Variants in LINGO2 observed in about 807,000 individuals in gnomAD.
LINGO2 encodes the protein leucine rich repeat and Ig domain containing 2.
LINGO2 carries 14 observed loss-of-function variants against 30.6 expected under a neutral mutation model. That is an observed-to-expected ratio of 0.46 (90% CI 0.30 to 0.72). LINGO2 has a LOEUF of 0.72. LINGO2 is among the 30% of genes least tolerant of loss of function. The pLI, the probability that LINGO2 is intolerant of heterozygous loss-of-function variation, is 0.07. For missense variants in LINGO2, 729 were observed against 751.7 expected (o/e 0.97, Z 0.35); for synonymous variants, 317 against 288.5 (o/e 1.10, Z -1.00).
the LINGO2 span, among the ~76,000 whole-genome samples, chr9:28,901,942 T>C: frequency 6.6e-6 from 1 of 152,112 alleles, no homozygotes; most frequent in African/African-American, 2.4e-5. Context: ...TATAATCCAG[T>C]ATTTTGGGAG....
chr9:28,239,759 A>G (rs1035277725), intron 4 of LINGO2, among the ~76,000 whole-genome samples: 4 of 152,148 alleles, frequency 2.6e-5, no homozygotes, highest in African/African-American at 9.7e-5. Flanking sequence ...TTGTTATTCA[A>G]TATTGTACTG....
At chr9:28,558,821 C>T (rs948737187) in intron 1 of LINGO2, among the ~76,000 whole-genome samples, 3 of 151,824 alleles carry the variant, frequency 2.0e-5, no homozygotes, top group Non-Finnish European at 2.9e-5. Context: ...CTTTTGAGCT[C>T]GTGTGTGTGT....
the LINGO2 span, among the ~76,000 whole-genome samples, chr9:28,710,378 G>T: frequency 4.3e-4 from 65 of 151,896 alleles, no homozygotes; most frequent in African/African-American, 1.4e-3. Context: ...ATGGTATTTT[G>T]TTATAGCGAC....
intron 2 of LINGO2, among the ~76,000 whole-genome samples, chr9:28,410,006 TGAAG>T (rs995736647): frequency 9.3e-5 from 6 of 64,818 alleles, no homozygotes; most frequent in African/African-American, 2.3e-4. Context: ...GGAAGAGGGC[TGAAG>T]GGAGGGAGGG....
chr9:28,769,524 T>A, the LINGO2 span, among the ~76,000 whole-genome samples: 6 of 2,402 alleles, frequency 2.5e-3, no homozygotes, highest in African/African-American at 2.7e-3. Flanking sequence ...ATATATTTTT[T>A]TTTTTTTTTT....
the LINGO2 span, among the ~76,000 whole-genome samples, chr9:28,860,834 TAAG>T: frequency 1.3e-5 from 2 of 148,424 alleles, no homozygotes; most frequent in South Asian, 4.2e-4. Context: ...ATGTGTCACT[TAAG>T]AAACTAAAGG....
At chr9:29,123,322 A>G in the LINGO2 span, among the ~76,000 whole-genome samples, 24 of 152,112 alleles carry the variant, frequency 1.6e-4, no homozygotes, top group Admixed American at 3.9e-4. Flanking sequence ...CCAAATGAGC[A>G]TCGGCAATAA....
At chr9:28,101,139 G>T (rs1478181718) in intron 4 of LINGO2, among the ~76,000 whole-genome samples, 2 of 151,946 alleles carry the variant, frequency 1.3e-5, no homozygotes, top group Non-Finnish European at 2.9e-5. Context: ...TGAAACTAAA[G>T]CTATGAGACA....
chr9:28,948,595 C>T, the LINGO2 span, among the ~76,000 whole-genome samples: 1 of 152,036 alleles, frequency 6.6e-6, no homozygotes. Flanking sequence ...AGAAATTATA[C>T]TACAATCACA....
At chr9:28,642,297 T>A (rs2135939051) in intron 1 of LINGO2, among the ~76,000 whole-genome samples, 1 of 152,280 alleles carries the variant, frequency 6.6e-6, no homozygotes, top group African/African-American at 2.4e-5. Flanking sequence ...AACTGTGAGA[T>A]AACTAATTTT....
chr9:28,830,773 C>T, the LINGO2 span, among the ~76,000 whole-genome samples: 13 of 149,376 alleles, frequency 8.7e-5, no homozygotes, highest in Non-Finnish European at 1.3e-4. Flanking sequence ...CACACACACA[C>T]GTGTACATGC....
chr9:28,594,875 T>C (rs1376724221), intron 1 of LINGO2, among the ~76,000 whole-genome samples: 2 of 152,138 alleles, frequency 1.3e-5, no homozygotes, highest in Non-Finnish European at 2.9e-5. Context: ...GCTCTATTAC[T>C]GATTTTTCAT....
chr9:28,989,160 C>T, the LINGO2 span, among the ~76,000 whole-genome samples: 99,053 of 152,056 alleles, frequency 0.65, 32,850 homozygotes, highest in Non-Finnish European at 0.72. Flanking sequence ...CAAAAACTTG[C>T]TAAATTCAAT....
intron 1 of LINGO2, among the ~76,000 whole-genome samples, chr9:28,597,082 G>T (rs958881171): frequency 6.6e-6 from 1 of 152,076 alleles, no homozygotes; most frequent in Non-Finnish European, 1.5e-5. Flanking sequence ...AAAATACAAA[G>T]ATATTCTTCA....
intron 4 of LINGO2, among the ~76,000 whole-genome samples, chr9:28,291,756 A>G (rs1298799160): frequency 6.6e-6 from 1 of 152,202 alleles, no homozygotes; most frequent in East Asian, 1.9e-4. Context: ...TGATGCAGAG[A>G]GAGAGAATGT....
chr9:28,184,719 A>G, intron 4 of LINGO2, among the ~76,000 whole-genome samples: 1 of 152,148 alleles, frequency 6.6e-6, no homozygotes, highest in East Asian at 1.9e-4. Context: ...GTATACAGAC[A>G]TTTATTCTAA....
At chr9:28,732,326 A>G in the LINGO2 span, among the ~76,000 whole-genome samples, 1 of 152,056 alleles carries the variant, frequency 6.6e-6, no homozygotes, top group African/African-American at 2.4e-5. Flanking sequence ...TTTTATAAAT[A>G]TCATACAACA....
At chr9:28,055,832 G>C (rs1190525195) in intron 4 of LINGO2, among the ~76,000 whole-genome samples, 1 of 152,046 alleles carries the variant, frequency 6.6e-6, no homozygotes, top group South Asian at 2.1e-4. Context: ...AAGTCTTCTT[G>C]CTTAGTCTGT....
In LINGO2 at chr9:28,047,788, G is replaced by A. The variant is rs1824491725; in HGVS notation, c.-86-35383C>T. 7.8e-5 allele frequency among the ~76,000 whole-genome samples: 6 copies of A among 76,458 alleles called. No individual in the cohort carries two copies. In the South Asian group the frequency reaches 3.6e-3, roughly 46 times the overall value. The allele number at this position is 76,458 out of a possible 152,430, so 50.2% of individuals were successfully genotyped here. On this transcript the variant is annotated intron_variant, in intron 4 of 5. Coordinates refer to ENST00000379992, the Ensembl canonical transcript of LINGO2. Reference sequence around the variant, plus strand: ...GAACACTTAAAATTATACTGAACAAGAAAAGAGCAAAGTATTTTTTTTACA... The same window carrying A: ...GAACACTTAAAATTATACTGAACAAAAAAAGAGCAAAGTATTTTTTTTACA...
Sources: allele counts gnomAD v4.1 joint callset (sites outside exome capture counted in the v4.1 genomes callset), GRCh38; gene constraint gnomAD v4.1.1; transcripts MANE v1.5; gene names NCBI Gene and HGNC (gene_info 2026-07-23, HGNC 2026-07-21).